NEGR1: variants seen among roughly 807,000 people sequenced by gnomAD.
NEGR1 encodes IgLON family member 4.
In NEGR1, 10 loss-of-function variants were observed where a neutral mutation model predicts 40.9. That is an observed-to-expected ratio of 0.24 (90% CI 0.15 to 0.42). The LOEUF is 0.42. NEGR1 is among the 10% of genes least tolerant of loss of function. NEGR1 has a pLI of 1.00. For missense variants in NEGR1, 352 were observed against 438.9 expected, an observed-to-expected ratio of 0.80 and a Z score of 1.77; for synonymous variants, 185 against 166.8, an observed-to-expected ratio of 1.11 and a Z score of -0.84.
chr1:71,855,901 C>T (rs983706541), intron 2 of NEGR1, among the ~76,000 whole-genome samples: 4 of 151,810 alleles, frequency 2.6e-5, no homozygotes, highest in Admixed American at 6.6e-5. Flanking sequence ...AATTATGGAC[C>T]GTGATTCTAG....
intron 2 of NEGR1, 120 bp from the exon 3 acceptor site, chr1:71,776,417 A>G: frequency 2.2e-6 from 1 of 454,814 alleles, no homozygotes. Context: ...TATATGGCCT[A>G]TGGGCCTCAC....
At chr1:71,476,060 G>GT (rs1181910858) in intron 6 of NEGR1, among the ~76,000 whole-genome samples, 1 of 151,878 alleles carries the variant, frequency 6.6e-6, no homozygotes, top group Admixed American at 6.6e-5. Flanking sequence ...TCTGATGTGG[G>GT]TTTTTTCTTC....
At chr1:72,234,252 T>C (rs1460232469) in intron 1 of NEGR1, among the ~76,000 whole-genome samples, 1 of 152,124 alleles carries the variant, frequency 6.6e-6, no homozygotes, top group Non-Finnish European at 1.5e-5. Context: ...TTTCTGTTCC[T>C]GTGTTAGTTT....
chr1:71,727,113 C>G (rs1032122166), intron 3 of NEGR1, among the ~76,000 whole-genome samples: 1 of 152,026 alleles, frequency 6.6e-6, no homozygotes, highest in Admixed American at 6.6e-5. Context: ...CAATTAGGTA[C>G]CATTTGTGAG....
intron 4 of NEGR1, 67 bp from the exon 5 acceptor site, chr1:71,611,213 A>G: frequency 7.1e-7 from 1 of 1,415,628 alleles, no homozygotes; most frequent in Non-Finnish European, 9.8e-7. Flanking sequence ...GAAATATGAC[A>G]CACATATATT....
At chr1:71,570,803 T>C (rs1403345737) in intron 6 of NEGR1, among the ~76,000 whole-genome samples, 1 of 152,166 alleles carries the variant, frequency 6.6e-6, no homozygotes, top group Non-Finnish European at 1.5e-5. Context: ...ACATAAGTTT[T>C]AATCAAATTG....
At chr1:72,265,719 C>A (rs982334229) in intron 1 of NEGR1, among the ~76,000 whole-genome samples, 1 of 150,882 alleles carries the variant, frequency 6.6e-6, no homozygotes, top group African/African-American at 2.4e-5. Flanking sequence ...TTTGAAAAAT[C>A]TTCAATGAGC....
chr1:71,938,147 T>A (rs1167767206), intron 1 of NEGR1, among the ~76,000 whole-genome samples: 1 of 152,124 alleles, frequency 6.6e-6, no homozygotes, highest in Admixed American at 6.6e-5. Context: ...AAAAAAATAT[T>A]TTCCTTTTGG....
intron 1 of NEGR1, among the ~76,000 whole-genome samples, chr1:72,222,244 C>A (rs1218518914): frequency 6.6e-6 from 1 of 152,140 alleles, no homozygotes; most frequent in Non-Finnish European, 1.5e-5. Flanking sequence ...CAGGCCCACC[C>A]CTGCAAACCT....
chr1:71,772,455 A>G (rs1191432857), intron 3 of NEGR1, among the ~76,000 whole-genome samples: 2 of 151,996 alleles, frequency 1.3e-5, no homozygotes, highest in Non-Finnish European at 2.9e-5. Flanking sequence ...AAAAATGTCA[A>G]TGTTCAGTAA....
At chr1:72,151,348 T>C (rs1317177031) in intron 1 of NEGR1, among the ~76,000 whole-genome samples, 2 of 151,572 alleles carry the variant, frequency 1.3e-5, no homozygotes, top group African/African-American at 4.8e-5. Context: ...TTAGGCATTA[T>C]ACTAAGCAAC....
At chr1:71,573,566 A>G (rs1392656285) in intron 6 of NEGR1, 1 of 152,198 alleles carries the variant, frequency 6.6e-6, no homozygotes, top group Non-Finnish European at 1.5e-5. Context: ...ATGACTTCTG[A>G]CTTTGATGTG....
chr1:71,718,915 A>G (rs1314742518), intron 3 of NEGR1, among the ~76,000 whole-genome samples: 1 of 152,144 alleles, frequency 6.6e-6, no homozygotes. Flanking sequence ...TCCTTCTTAC[A>G]AAACTTCAGC....
intron 3 of NEGR1, among the ~76,000 whole-genome samples, chr1:71,774,325 T>C (rs1402247810): frequency 6.6e-6 from 1 of 152,194 alleles, no homozygotes; most frequent in Non-Finnish European, 1.5e-5. Flanking sequence ...TGAATTTAAG[T>C]GCTCACATAT....
At position 71,928,445 on chromosome 1, in the gene NEGR1, T is replaced by C. The variant is rs1044905941; in HGVS notation, c.409+6634A>G. On this transcript the variant is annotated intron_variant, in intron 2 of 6. Coordinates refer to ENST00000357731, the MANE Select transcript of NEGR1 (RefSeq NM_173808.3). ...ACACATATGTATATATACACATATA[T>C]ATGTATATATACACACATACTTATA... Among the ~76,000 whole-genome samples, 14 of 143,658 alleles carry C rather than the reference T, an allele frequency of 9.7e-5. 1 individual carries two copies. Among genetic ancestry groups the C allele is most frequent in the Middle Eastern group, 4.8e-3 (1 of 208 alleles). 94.2% of individuals were successfully genotyped at this position (143,658 alleles called of 152,430 possible). A position where few individuals can be genotyped will look rare whatever the true frequency, so the allele number is the denominator to read the frequency against.
intron 4 of NEGR1, among the ~76,000 whole-genome samples, chr1:71,635,277 C>T (rs1030674892): frequency 2.6e-5 from 4 of 151,972 alleles, no homozygotes; most frequent in Non-Finnish European, 4.4e-5. Context: ...CTTTAACCAC[C>T]GCCCGCACTT....
At chr1:71,597,466 C>CTGTGTGTG (rs1460180034) in intron 5 of NEGR1, among the ~76,000 whole-genome samples, 37 of 17,970 alleles carry the variant, frequency 2.1e-3, no homozygotes, top group East Asian at 5.1e-3. Context: ...CTCTCTCTCT[C>CTGTGTGTG]TCTCTCTGTG....
chr1:72,267,794 G>GA (rs1410683310), intron 1 of NEGR1, among the ~76,000 whole-genome samples: 1 of 151,182 alleles, frequency 6.6e-6, no homozygotes, highest in African/African-American at 2.4e-5. Flanking sequence ...CAAGTCTATT[G>GA]AAAAAAGCGT....
intron 2 of NEGR1, among the ~76,000 whole-genome samples, chr1:71,906,872 C>G (rs1019391346): frequency 6.6e-6 from 1 of 152,056 alleles, no homozygotes; most frequent in African/African-American, 2.4e-5. Flanking sequence ...CTTAACCTAG[C>G]CTGAGGGACA....
Sources: allele counts gnomAD v4.1 joint callset (sites outside exome capture counted in the v4.1 genomes callset), GRCh38; gene constraint gnomAD v4.1.1; transcripts MANE v1.5; gene names NCBI Gene and HGNC (gene_info 2026-07-23, HGNC 2026-07-21).